The following NBAS variants were observed in gnomAD, a reference collection of about 807,000 sequenced individuals.
NBAS encodes the protein NAG/BC035112 fusion.
Under a neutral mutation model 302.5 loss-of-function variants are expected in NBAS, and 219 were observed. That is an observed-to-expected ratio of 0.72 (90% confidence interval 0.65 to 0.81). NBAS has a LOEUF of 0.81. NBAS is among the 30% of genes least tolerant of loss of function. The pLI is 0.00. For synonymous variants in NBAS, 1,118 were observed against 1,021.6 expected, an observed-to-expected ratio of 1.09 and a Z score of -1.80; for missense variants, 2,932 against 2,841.6, an observed-to-expected ratio of 1.03 and a Z score of -0.72.
At chr2:14,852,784 T>C in the NBAS span, among the ~76,000 whole-genome samples, 1 of 146,006 alleles carries the variant, frequency 6.8e-6, no homozygotes, top group Admixed American at 6.8e-5. Context: ...TACAACTATC[T>C]GATCTTTGAC....
chr2:15,041,742 A>C, the NBAS span, among the ~76,000 whole-genome samples: 3 of 152,254 alleles, frequency 2.0e-5, no homozygotes, highest in African/African-American at 7.2e-5. Context: ...GCAGCTGTCC[A>C]GTGCTTGTTT....
At chr2:15,002,529 C>T in the NBAS span, among the ~76,000 whole-genome samples, 22 of 152,204 alleles carry the variant, frequency 1.4e-4, no homozygotes, top group African/African-American at 4.8e-4. Flanking sequence ...CCACGCCGTG[C>T]GCCCACACTC....
At chr2:15,073,813 C>T in the NBAS span, among the ~76,000 whole-genome samples, 8 of 152,298 alleles carry the variant, frequency 5.3e-5, no homozygotes, top group African/African-American at 1.9e-4. Context: ...TTCTTTCTCA[C>T]TGACTCATTT....
At position 15,472,067 on chromosome 2, in the gene NBAS, G is replaced by A. The variant is rs528307602; in HGVS notation, c.1725+1155C>T. 1.4e-4 allele frequency among the ~76,000 whole-genome samples: 21 copies of A among 152,238 alleles called. No individual in the cohort carries two copies. The South Asian group carries it at 1.5e-3, about 11-fold the overall frequency. ...TTTAAGTTTTAAAAAGGCATATTTC[G>A]CAGTTTTCATATATGTTACCTATTT... On this transcript the variant is annotated intron_variant, in intron 16 of 51. Transcript: ENST00000281513.
In NBAS at chr2:15,561,324, A is replaced by C; in HGVS notation, c.-20T>G. 6.2e-7 allele frequency: 1 copy of C among 1,605,350 alleles called. No individual in the cohort carries two copies. Among genetic ancestry groups the C allele is most frequent in the Non-Finnish European group, 8.5e-7 (1 of 1,175,068 alleles). On this transcript the variant is annotated 5_prime_UTR_variant, in exon 1 of 52. Coordinates refer to ENST00000281513, the MANE Select transcript of NBAS (RefSeq NM_015909.4). The stretch of plus-strand genomic sequence containing the variant: ...CGCCATGTTCGCCGAGGACTCAGGC[A>C]GCGGAGGAGTGTCTCTACGGAATCC...
chr2:15,202,833 C>T lies in NBAS; in HGVS notation c.6433-12430G>A, dbSNP rs570077276. ...GATTACAGGCCTGAGCCACTGCACC[C>T]GGCCATGTGTGTTTATTTTAAACAG... On this transcript the variant is annotated intron_variant, in intron 48 of 51. Coordinates refer to ENST00000281513, the MANE Select transcript of NBAS (RefSeq NM_015909.4). 4.6e-5 allele frequency among the ~76,000 whole-genome samples: 7 copies of T among 152,226 alleles called. No homozygotes were observed. The East Asian group carries it at 7.7e-4, about 17-fold the overall frequency.
At chr2:15,541,113 C>G (rs1015083931) in intron 6 of NBAS, among the ~76,000 whole-genome samples, 3 of 152,166 alleles carry the variant, frequency 2.0e-5, no homozygotes, top group African/African-American at 7.2e-5. Context: ...GTTACCTCCT[C>G]CTTCCTTGAC....
chr2:14,896,051 A>G, the NBAS span, among the ~76,000 whole-genome samples: 3 of 152,138 alleles, frequency 2.0e-5, no homozygotes, highest in Non-Finnish European at 4.4e-5. Context: ...TAAGAAAACT[A>G]AGAATCTCTG....
intron 50 of NBAS, among the ~76,000 whole-genome samples, chr2:15,180,986 G>A (rs1238235408): frequency 6.6e-6 from 1 of 152,174 alleles, no homozygotes; most frequent in Non-Finnish European, 1.5e-5. Flanking sequence ...AGCACTCAAT[G>A]TTCTAAATGT....
At chr2:15,112,125 T>C in the NBAS span, among the ~76,000 whole-genome samples, 2 of 150,842 alleles carry the variant, frequency 1.3e-5, no homozygotes, top group African/African-American at 2.4e-5. Flanking sequence ...ATCTGCAAAA[T>C]AGATAAAAAT....
At chr2:15,002,156 G>A in the NBAS span, among the ~76,000 whole-genome samples, 1 of 151,972 alleles carries the variant, frequency 6.6e-6, no homozygotes, top group Admixed American at 6.6e-5. Context: ...GCTAGATACA[G>A]TGTTGATTGG....
the NBAS span, among the ~76,000 whole-genome samples, chr2:15,043,240 T>C: frequency 6.6e-6 from 1 of 152,154 alleles, no homozygotes; most frequent in Admixed American, 6.5e-5. Flanking sequence ...ACACAGCCTG[T>C]GGGCACCAAA....
chr2:15,398,118 T>C (rs1675960250), intron 26 of NBAS, among the ~76,000 whole-genome samples: 1 of 134,260 alleles, frequency 7.4e-6, no homozygotes, highest in Non-Finnish European at 1.6e-5. Flanking sequence ...TTTGTGTATG[T>C]TTTTTTGTTT....
the NBAS span, among the ~76,000 whole-genome samples, chr2:14,782,743 T>C: frequency 6.6e-6 from 1 of 152,088 alleles, no homozygotes; most frequent in African/African-American, 2.4e-5. Flanking sequence ...AAAGAAAACA[T>C]GGTACATATA....
At chr2:15,103,897 T>G in the NBAS span, among the ~76,000 whole-genome samples, 3 of 152,164 alleles carry the variant, frequency 2.0e-5, no homozygotes, top group African/African-American at 7.2e-5. Flanking sequence ...GAATTGACAT[T>G]CCACTGAAGA....
chr2:15,352,117 C>G (rs755729749), intron 34 of NBAS, 36 bp from the exon 35 acceptor site: 109 of 1,472,506 alleles, frequency 7.4e-5, no homozygotes, highest in Non-Finnish European at 7.0e-5. Context: ...AAAGGAGTTA[C>G]GTTTTTAAAT....
Position 15,258,551 on chromosome 2 carries a change from G to A in NBAS, c.5724+16933C>T, listed in dbSNP as rs556682307. Among the ~76,000 whole-genome samples, 3 of 152,170 alleles carry A rather than the reference G, an allele frequency of 2.0e-5. No individual in the cohort carries two copies. The East Asian group carries it at 5.8e-4, about 29-fold the overall frequency. On this transcript the variant is annotated intron_variant, in intron 44 of 51. Transcript: ENST00000281513. ...GGGAGGTCTATAAACGGCCACTCTG[G>A]GAGTGTCTGTCCTACGCGGTTGAGA...
chr2:15,345,218 GTC>G (rs1673035907), intron 35 of NBAS, among the ~76,000 whole-genome samples: 1 of 152,110 alleles, frequency 6.6e-6, no homozygotes, highest in African/African-American at 2.4e-5. Flanking sequence ...AAGTCAAATT[GTC>G]TCTGTTTGCA....
At chr2:15,272,962 C>T (rs893050957) in intron 44 of NBAS, among the ~76,000 whole-genome samples, 5 of 152,140 alleles carry the variant, frequency 3.3e-5, no homozygotes, top group South Asian at 2.1e-4. Context: ...ACAGCTAAAA[C>T]GCAAATGGAC....
Sources: gnomAD v4.1 joint callset for allele counts (sites outside exome capture counted in the v4.1 genomes callset) on GRCh38, gnomAD v4.1.1 for gene constraint, MANE v1.5 for transcripts, NCBI Gene and HGNC (gene_info 2026-07-23, HGNC 2026-07-21) for gene names.